Variants in GTF2E2 observed in about 807,000 individuals in gnomAD.
GTF2E2 encodes general transcription factor IIE subunit 2.
In GTF2E2, 21 loss-of-function variants were observed where a neutral mutation model predicts 40.5. The observed-to-expected ratio is 0.52, with a 90% confidence interval of 0.37 to 0.75. The LOEUF is 0.75. Among genes scored for constraint, GTF2E2 ranks in the 30% least tolerant of loss-of-function variants. The pLI is 0.00. For missense variants in GTF2E2, 298 were observed against 338.4 expected (o/e 0.88, Z 0.94); for synonymous variants, 117 against 121.6 (o/e 0.96, Z 0.25).
chr8:30,611,582 TGAA>T (rs1829476730), intron 5 of GTF2E2, among the ~76,000 whole-genome samples: 1 of 152,032 alleles, frequency 6.6e-6, no homozygotes, highest in Admixed American at 6.5e-5. Context: ...AAGTTGGAAG[TGAA>T]GAAGAAAAGT....
At chr8:30,593,374 T>C (rs1340602241) in intron 6 of GTF2E2, among the ~76,000 whole-genome samples, 2 of 152,248 alleles carry the variant, frequency 1.3e-5, no homozygotes. Context: ...TGGATGTATG[T>C]ATTTCTCCTT....
At chr8:30,599,677 T>C (rs1829116903) in intron 6 of GTF2E2, among the ~76,000 whole-genome samples, 1 of 151,012 alleles carries the variant, frequency 6.6e-6, no homozygotes, top group Non-Finnish European at 1.5e-5. Context: ...TAGAATACCA[T>C]GTAGCCATTT....
At chr8:30,647,326 AT>A (rs1225892417) in intron 2 of GTF2E2, among the ~76,000 whole-genome samples, 1 of 152,200 alleles carries the variant, frequency 6.6e-6, no homozygotes, top group East Asian at 1.9e-4. Context: ...CACGCCTGCA[AT>A]CCTAGCAGTT....
intron 6 of GTF2E2, among the ~76,000 whole-genome samples, chr8:30,603,703 G>C (rs537283244): frequency 4.6e-4 from 70 of 152,272 alleles, no homozygotes; most frequent in African/African-American, 1.6e-3. Context: ...TGTTTGCTCA[G>C]TCACTGCTTA....
At chr8:30,627,155 A>G (rs1354515669) in intron 3 of GTF2E2, among the ~76,000 whole-genome samples, 2 of 152,206 alleles carry the variant, frequency 1.3e-5, no homozygotes, top group African/African-American at 4.8e-5. Context: ...TGACAAATTG[A>G]TGACATGTCA....
chr8:30,645,550 A>G, intron 2 of GTF2E2: 1 of 1,535,702 alleles, frequency 6.5e-7, no homozygotes, highest in Non-Finnish European at 8.7e-7. Context: ...CAACCCTCTT[A>G]GAAGTATGAT....
chr8:30,651,400 A>C (rs1222489239), intron 2 of GTF2E2, among the ~76,000 whole-genome samples: 2 of 152,088 alleles, frequency 1.3e-5, no homozygotes, highest in African/African-American at 4.8e-5. Flanking sequence ...TATACTAGCA[A>C]TGAACAATTT....
chr8:30,589,058 C>T (rs1342049071), intron 6 of GTF2E2, among the ~76,000 whole-genome samples: 2 of 151,848 alleles, frequency 1.3e-5, no homozygotes, highest in African/African-American at 4.8e-5. Flanking sequence ...TTGAGACCAG[C>T]CTGACCAACA....
At chr8:30,582,012 T>A (rs892734335) in intron 6 of GTF2E2, among the ~76,000 whole-genome samples, 2 of 152,226 alleles carry the variant, frequency 1.3e-5, no homozygotes, top group Non-Finnish European at 2.9e-5. Flanking sequence ...TTTCTTTTTT[T>A]AAAATTTATT....
At chr8:30,649,188 A>C (rs1441180404) in intron 2 of GTF2E2, among the ~76,000 whole-genome samples, 1 of 152,134 alleles carries the variant, frequency 6.6e-6, no homozygotes, top group Non-Finnish European at 1.5e-5. Flanking sequence ...TTTGATTTTT[A>C]AAAAAGCTTT....
chr8:30,637,586 T>G (rs1801650302), intron 2 of GTF2E2, among the ~76,000 whole-genome samples: 1 of 152,194 alleles, frequency 6.6e-6, no homozygotes, highest in African/African-American at 2.4e-5. Context: ...AGCAGTGGTG[T>G]GATCTCAACT....
chr8:30,619,027 CCACCTCCCGGGTT>C (rs1801006681), intron 3 of GTF2E2, among the ~76,000 whole-genome samples: 1 of 152,200 alleles, frequency 6.6e-6, no homozygotes, highest in Non-Finnish European at 1.5e-5. Context: ...ACTGCAACCT[CCACCTCCCGGGTT>C]CAAGTGATCC....
chr8:30,626,931 A>G (rs1166160961), intron 3 of GTF2E2, among the ~76,000 whole-genome samples: 1 of 152,258 alleles, frequency 6.6e-6, no homozygotes, highest in Non-Finnish European at 1.5e-5. Flanking sequence ...GGAATCTCAG[A>G]GTAAAGCTCT....
chr8:30,625,345 C>T (rs1485002021), intron 3 of GTF2E2, among the ~76,000 whole-genome samples: 1 of 152,116 alleles, frequency 6.6e-6, no homozygotes, highest in African/African-American at 2.4e-5. Context: ...ACCAGCCTTG[C>T]ATCCCAGGGT....
At chr8:30,636,881 C>G (rs948374842) in intron 2 of GTF2E2, 17 of 382,818 alleles carry the variant, frequency 4.4e-5, no homozygotes, top group Non-Finnish European at 8.0e-5. Flanking sequence ...AAAAGAATGC[C>G]TTATAGGTGC....
intron 6 of GTF2E2, among the ~76,000 whole-genome samples, chr8:30,584,108 C>T (rs902228941): frequency 1.3e-4 from 19 of 151,952 alleles, no homozygotes; most frequent in East Asian, 3.9e-4. Flanking sequence ...GCCCAGCCGA[C>T]GATCAGTATT....
intron 3 of GTF2E2, among the ~76,000 whole-genome samples, chr8:30,630,614 TC>T (rs1414420421): frequency 6.7e-6 from 1 of 150,000 alleles, no homozygotes. Flanking sequence ...ACCTTCCACC[TC>T]CCCCCGCCAT....
At chr8:30,621,962 T>G (rs1277107222) in intron 3 of GTF2E2, among the ~76,000 whole-genome samples, 3 of 133,966 alleles carry the variant, frequency 2.2e-5, no homozygotes, top group African/African-American at 1.0e-4. Flanking sequence ...TCTAGGGGGT[T>G]CTTATATATA....
At chr8:30,646,227 C>T (rs1169719295) in intron 2 of GTF2E2, among the ~76,000 whole-genome samples, 1 of 152,084 alleles carries the variant, frequency 6.6e-6, no homozygotes, top group African/African-American at 2.4e-5. Context: ...ATAGGAAAGG[C>T]CTAGTCTATT....
Sources: gnomAD v4.1 joint callset for allele counts (sites outside exome capture counted in the v4.1 genomes callset) on GRCh38, gnomAD v4.1.1 for gene constraint, MANE v1.5 for transcripts, NCBI Gene and HGNC (gene_info 2026-07-23, HGNC 2026-07-21) for gene names.